Variants in AMER1 observed in about 807,000 individuals in gnomAD.
AMER1 encodes the protein RP11-403E24.2.
Under a neutral mutation model 53.0 loss-of-function variants are expected in AMER1, and 16 were observed. The ratio of observed to expected loss-of-function variants is 0.30; its 90% CI spans 0.20 to 0.46. The LOEUF (loss-of-function observed/expected upper bound fraction) is 0.46, where lower values mean the gene tolerates loss of function less well. Ranked by LOEUF, AMER1 falls within the 20% of genes least tolerant of loss-of-function variation. AMER1 has a pLI of 1.00. For missense variants in AMER1, 947 were observed against 884.9 expected, an observed-to-expected ratio of 1.07 and a Z score of -0.89; for synonymous variants, 354 against 331.9, an observed-to-expected ratio of 1.07 and a Z score of -0.73.
rs1930150555 is a variant in AMER1 at position 64,188,374 on chromosome X, C to T, written c.*1505G>A. ...TGAGCTTGGCAAGATTAGCCTGTTCCAATGTCTTCCTGACAGCAAGCTCTT... is the reference window on the plus strand; with the variant it reads ...TGAGCTTGGCAAGATTAGCCTGTTCTAATGTCTTCCTGACAGCAAGCTCTT... On this transcript the variant is annotated 3_prime_UTR_variant, in exon 2 of 2. Coordinates refer to ENST00000374869, the MANE Select transcript of AMER1 (RefSeq NM_152424.4). 3.7e-6 allele frequency: 3 copies of T among 801,797 alleles called. No homozygotes were observed. Among genetic ancestry groups the T allele is most frequent in the Admixed American group, 7.8e-5 (1 of 12,884 alleles). 66.1% of individuals were successfully genotyped at this position (801,797 alleles called of 1,213,427 possible). A position where few individuals can be genotyped will look rare whatever the true frequency, so the allele number is the denominator to read the frequency against.
chrX:64,189,869 T>C lies in AMER1; in HGVS notation c.*10A>G, dbSNP rs1461251173. ...CAGGCCCCGTGTCCCTACTCCAGAA[T>C]TGATAATAACTACTTGGCTAGGTTT... On this transcript the variant is annotated 3_prime_UTR_variant, in exon 2 of 2. Transcript: ENST00000374869. The C allele has an allele frequency of 6.4e-5, 64 of 1,002,613 alleles. No homozygotes were observed. The highest frequency in any genetic ancestry group is 7.4e-5 in the Non-Finnish European group (57 of 774,025). The allele number at this position is 1,002,613 out of a possible 1,213,427, so 82.6% of individuals were successfully genotyped here.
At position 64,189,792 on chromosome X, in the gene AMER1, A is replaced by AGCCGGGCCCCCCCCCCC; in HGVS notation, c.*86_*87insGGGGGGGGGGGCCCGGC. ...CCAAAGGGTTTTCAAGTTAAACAAC[A>AGCCGGGCCCCCCCCCCC]ACCCCCACCCCCCCACCCTTCTGCC... On this transcript the variant is annotated 3_prime_UTR_variant, in exon 2 of 2. Transcript: ENST00000374869. 1 of 746,979 alleles carries AGCCGGGCCCCCCCCCCC rather than the reference A, an allele frequency of 1.3e-6. No individual in the cohort carries two copies. The highest frequency in any genetic ancestry group is 2.6e-5 in the African/African-American group (1 of 39,005). The allele number at this position is 746,979 out of a possible 1,213,427, so 61.6% of individuals were successfully genotyped here. A position where few individuals can be genotyped will look rare whatever the true frequency, so the allele number is the denominator to read the frequency against.
rs1394000391 is a variant in AMER1, at chrX:64,190,718, G to A, written c.2569C>T (p.Arg857Ter). The A allele has an allele frequency of 5.8e-6, 7 of 1,207,604 alleles. No individual in the cohort carries two copies. Among genetic ancestry groups the A allele is most frequent in the Non-Finnish European group, 5.6e-6 (5 of 893,383 alleles). ...CCCCAGGGCAGGCCTTGGTAGAATC[G>A]ACTATGGTAGTTGTTGAAGGCATGT... ...HKHAFNNYHS[R>*]FYQGLPWGVS... The change falls in exon 2 of 2, where the codon CGA becomes TGA. Residue 857 changes from arginine (R) to a stop codon, truncating the protein, a stop_gained. Coordinates refer to ENST00000374869, the MANE Select transcript of AMER1 (RefSeq NM_152424.4). LOFTEE classifies it high-confidence loss of function.
intron 1 of AMER1, among the ~76,000 whole-genome samples, chrX:64,201,458 C>T (rs1930487894): frequency 9.3e-6 from 1 of 107,389 alleles, no homozygotes; most frequent in Admixed American, 9.9e-5. Flanking sequence ...AACACACACA[C>T]ACACACACAC....
In AMER1 at chrX:64,189,793, A is replaced by ACACCCCCCCCCCC; in HGVS notation, c.*85_*86insGGGGGGGGGGGTG. The ACACCCCCCCCCCC allele has an allele frequency of 3.4e-6, 1 of 292,074 alleles. No homozygotes were observed. Among genetic ancestry groups the ACACCCCCCCCCCC allele is most frequent in the South Asian group, 6.5e-5 (1 of 15,355 alleles). The allele number at this position is 292,074 out of a possible 1,213,427, so 24.1% of individuals were successfully genotyped here. A position where few individuals can be genotyped will look rare whatever the true frequency, so the allele number is the denominator to read the frequency against. ...CAAAGGGTTTTCAAGTTAAACAACAACCCCCACCCCCCCACCCTTCTGCCC... is the reference window on the plus strand; with the variant it reads ...CAAAGGGTTTTCAAGTTAAACAACAACACCCCCCCCCCCCCCCCACCCCCCCACCCTTCTGCCC... On this transcript the variant is annotated 3_prime_UTR_variant, in exon 2 of 2. Coordinates refer to ENST00000374869, the MANE Select transcript of AMER1 (RefSeq NM_152424.4).
At position 64,186,752 on chromosome X, in the gene AMER1, G is replaced by C. The variant is rs1182013850; in HGVS notation, c.*3127C>G. ...GAGGCCAGATAGGTAGGGCTGGCTT[G>C]AACTGGGCCCCAAGGCAGTGCTTCC... On this transcript the variant is annotated 3_prime_UTR_variant, in exon 2 of 2. Transcript: ENST00000374869. The C allele has an allele frequency of 2.1e-5, 16 of 773,823 alleles. No homozygotes were observed. Among genetic ancestry groups the C allele is most frequent in the African/African-American group, 4.6e-5 (2 of 43,894 alleles). 63.8% of individuals were successfully genotyped at this position (773,823 alleles called of 1,213,427 possible). A position where few individuals can be genotyped will look rare whatever the true frequency, so the allele number is the denominator to read the frequency against.
chrX:64,192,739 T>G lies in AMER1; in HGVS notation c.548A>C (p.Lys183Thr). The stretch of plus-strand genomic sequence containing the variant: ...CTCACTTTGCTCAGCCCCAGTGACC[T>G]TGCTCTTCCGGTGACGGCGGATACT... ...FSSIRRHRKS[K>T]VTGAEQSEPG... The change falls in exon 2 of 2, where the codon AAG becomes ACG. Residue 183 changes from lysine (K) to threonine (T), a missense_variant. Physicochemically the swap from Lys to Thr is moderately conservative, Grantham distance 78. Transcript: ENST00000374869. 3 of 1,202,295 alleles carry G rather than the reference T, an allele frequency of 2.5e-6. No homozygotes were observed. Among genetic ancestry groups the G allele is most frequent in the Non-Finnish European group, 3.4e-6 (3 of 890,843 alleles).
chrX:64,190,364 T>C lies in AMER1; in HGVS notation c.2923A>G (p.Ile975Val). ...GGCCTGTCCAACTGGTTGGGGCTTATCCAGGCAGGACCTGGCCCCACTGGA... is the reference window on the plus strand; with the variant it reads ...GGCCTGTCCAACTGGTTGGGGCTTACCCAGGCAGGACCTGGCCCCACTGGA... ...PLPVGPGPAW[I>V]SPNQLDRPSS... Residue 975 changes from isoleucine (I) to valine (V), a missense_variant, in exon 2 of 2, where the codon ATA becomes GTA. Ile to Val is a conservative substitution (Grantham distance 29, BLOSUM62 3). Coordinates refer to ENST00000374869, the MANE Select transcript of AMER1 (RefSeq NM_152424.4). The C allele has an allele frequency of 8.3e-7, 1 of 1,211,485 alleles. No individual in the cohort carries two copies. The highest frequency in any genetic ancestry group is 1.1e-6 in the Non-Finnish European group (1 of 895,288).
Position 64,191,451 on chromosome X carries a change from C to T in AMER1, c.1836G>A (p.Glu612=), listed in dbSNP as rs2147087341. Reference sequence around the variant, plus strand: ...TGCCATGAGCTTCCCAAGTGTGGGCCTCCCTGGCATAGGCTTCCCTGCCAT... The same window carrying T: ...TGCCATGAGCTTCCCAAGTGTGGGCTTCCCTGGCATAGGCTTCCCTGCCAT... ...EAYGREAYAR[E]AHTWEAHGRE... is the part of the protein sequence containing the mutation. Residue 612 remains glutamate (E), a synonymous_variant, in exon 2 of 2, where the codon GAG becomes GAA. Coordinates refer to ENST00000374869, the MANE Select transcript of AMER1 (RefSeq NM_152424.4). 1 of 1,212,062 alleles carries T rather than the reference C, an allele frequency of 8.3e-7. No individual in the cohort carries two copies. The highest frequency in any genetic ancestry group is 1.1e-6 in the Non-Finnish European group (1 of 895,528).
At position 64,189,785 on chromosome X, in the gene AMER1, AAAC is replaced by A; in HGVS notation, c.*91_*93del. The A allele has an allele frequency of 1.0e-6, 1 of 988,117 alleles. No homozygotes were observed. The highest frequency in any genetic ancestry group is 1.3e-6 in the Non-Finnish European group (1 of 761,512). The allele number at this position is 988,117 out of a possible 1,213,427, so 81.4% of individuals were successfully genotyped here. ...CCTTGGCCCAAAGGGTTTTCAAGTT[AAAC>A]AACAACCCCCACCCCCCCACCCTTC... On this transcript the variant is annotated 3_prime_UTR_variant, in exon 2 of 2. Transcript: ENST00000374869.
Position 64,190,593 on chromosome X carries a change from A to C in AMER1, c.2694T>G (p.Thr898=). Residue 898 remains threonine, a synonymous_variant, in exon 2 of 2, where the codon ACT becomes ACG. Coordinates refer to ENST00000374869, the MANE Select transcript of AMER1 (RefSeq NM_152424.4). ...AGAGCTCCATCTCCAGGGTCTCTGCAGTGTCGAGAGAGCGGCTTCTCCTGT... is the reference window on the plus strand; with the variant it reads ...AGAGCTCCATCTCCAGGGTCTCTGCCGTGTCGAGAGAGCGGCTTCTCCTGT... ...ALNRRSRSLD[T]AETLEMELSN... 1.7e-6 allele frequency: 2 copies of C among 1,211,946 alleles called. No homozygotes were observed. The highest frequency in any genetic ancestry group is 2.2e-6 in the Non-Finnish European group (2 of 895,521).
At chrX:64,197,929 G>C (rs1487480636) in intron 1 of AMER1, among the ~76,000 whole-genome samples, 1 of 112,741 alleles carries the variant, frequency 8.9e-6, no homozygotes, top group Non-Finnish European at 1.9e-5. Context: ...CATAGCAGAA[G>C]CTAAAAACAT....
chrX:64,189,793 A>AGGGGGCC lies in AMER1; in HGVS notation c.*85_*86insGGCCCCC. ...CAAAGGGTTTTCAAGTTAAACAACA[A>AGGGGGCC]CCCCCACCCCCCCACCCTTCTGCCC... is the stretch of plus-strand genomic sequence containing the variant. On this transcript the variant is annotated 3_prime_UTR_variant, in exon 2 of 2. Coordinates refer to ENST00000374869, the MANE Select transcript of AMER1 (RefSeq NM_152424.4). 4 of 292,061 alleles carry AGGGGGCC rather than the reference A, an allele frequency of 1.4e-5. No individual in the cohort carries two copies. The highest frequency in any genetic ancestry group is 1.5e-5 in the Non-Finnish European group (3 of 204,820). The allele number at this position is 292,061 out of a possible 1,213,427, so 24.1% of individuals were successfully genotyped here. A position where few individuals can be genotyped will look rare whatever the true frequency, so the allele number is the denominator to read the frequency against.
intron 1 of AMER1, among the ~76,000 whole-genome samples, chrX:64,196,924 C>G (rs764763272): frequency 8.9e-6 from 1 of 112,423 alleles, no homozygotes; most frequent in South Asian, 3.7e-4. Flanking sequence ...GTAGCCCCAC[C>G]TAGCTACCTC....
In AMER1 at chrX:64,186,122, A is replaced by G. The variant is rs1490095454; in HGVS notation, c.*3757T>C. 1 of 1,208,519 alleles carries G rather than the reference A, an allele frequency of 8.3e-7. No homozygotes were observed. On this transcript the variant is annotated 3_prime_UTR_variant, in exon 2 of 2. Coordinates refer to ENST00000374869, the MANE Select transcript of AMER1 (RefSeq NM_152424.4). ...GCCAGAAAATGACAAGCTGTCTACCAGGTCCCACACGCCTGAGTCACTTGG... is the reference window on the plus strand; with the variant it reads ...GCCAGAAAATGACAAGCTGTCTACCGGGTCCCACACGCCTGAGTCACTTGG...
rs1040925879 is a variant in AMER1, at chrX:64,192,682, G to C, written c.605C>G (p.Ala202Gly). The C allele has an allele frequency of 9.4e-6, 11 of 1,171,934 alleles. No homozygotes were observed. The highest frequency in any genetic ancestry group is 1.0e-5 in the Non-Finnish European group (9 of 877,873). ...PGAKGPERVR[A>G]RPHEHVSSAP... ...TGAGCTCACGTGCTCATGAGGCCTGGCTCTGACCCTCTCAGGCCCCTTGGC... is the reference window on the plus strand; with the variant it reads ...TGAGCTCACGTGCTCATGAGGCCTGCCTCTGACCCTCTCAGGCCCCTTGGC... Residue 202 changes from alanine to glycine, a missense_variant, in exon 2 of 2, where the codon GCC becomes GGC. Physicochemically the swap from Ala to Gly is moderately conservative, Grantham distance 60 (BLOSUM62 0). Coordinates refer to ENST00000374869, the MANE Select transcript of AMER1 (RefSeq NM_152424.4).
chrX:64,195,641 C>T (rs1930350521), intron 1 of AMER1, among the ~76,000 whole-genome samples: 1 of 112,094 alleles, frequency 8.9e-6, no homozygotes, highest in Non-Finnish European at 1.9e-5. Flanking sequence ...GTGCACTCTC[C>T]TTATGAGAAT....
rs143958560 is a variant in AMER1, at chrX:64,192,364, G to T, written c.923C>A (p.Pro308Gln). ...VNPPNGPVGD[P>Q]LSLLFGDVTS... is the part of the protein sequence containing the mutation. ...CACATCCCCAAACAAGAGGCTCAGTGGGTCCCCCACAGGGCCATTGGGTGG... is the reference window on the plus strand; with the variant it reads ...CACATCCCCAAACAAGAGGCTCAGTTGGTCCCCCACAGGGCCATTGGGTGG... Residue 308 changes from proline to glutamine, a missense_variant, in exon 2 of 2, where the codon CCA becomes CAA. By Grantham distance (76) the Pro-to-Gln change is moderately conservative (BLOSUM62 -1). Transcript: ENST00000374869. 8.0e-5 allele frequency: 97 copies of T among 1,211,274 alleles called. No individual in the cohort carries two copies. Among genetic ancestry groups the T allele is most frequent in the Non-Finnish European group, 8.9e-6 (8 of 895,496 alleles).
intron 1 of AMER1, among the ~76,000 whole-genome samples, chrX:64,195,392 C>T (rs772571343): frequency 8.9e-6 from 1 of 112,206 alleles, no homozygotes; most frequent in South Asian, 3.7e-4. Context: ...TTCAGTGCTT[C>T]AGGGCAGGAC....
Sources: allele counts gnomAD v4.1 joint callset (sites outside exome capture counted in the v4.1 genomes callset), GRCh38; gene constraint gnomAD v4.1.1; transcripts MANE v1.5; gene names NCBI Gene and HGNC (gene_info 2026-07-23, HGNC 2026-07-21).